The following UNC13C variants were observed in gnomAD, a reference collection of about 807,000 sequenced individuals.
UNC13C encodes the protein unc-13 homolog C, also known as protein unc-13 homolog C.
In UNC13C, 174 loss-of-function variants were observed where a neutral mutation model predicts 245.4. The observed-to-expected ratio is 0.71, with a 90% confidence interval of 0.63 to 0.80. UNC13C has a LOEUF of 0.80. Among genes scored for constraint, UNC13C ranks in the 30% least tolerant of loss-of-function variants. UNC13C has a pLI of 0.00. For missense variants in UNC13C, 2,829 were observed against 2,602.9 expected, an observed-to-expected ratio of 1.09 and a Z score of -1.89; for synonymous variants, 992 against 895.1, an observed-to-expected ratio of 1.11 and a Z score of -1.93.
At chr15:54,371,406 C>T (rs62012036) in intron 17 of UNC13C, among the ~76,000 whole-genome samples, 2,461 of 152,146 alleles carry the variant, frequency 0.016, 43 homozygotes, top group Non-Finnish European at 0.02. Context: ...ACTACTCTTC[C>T]GCCATTCTTG....
intron 10 of UNC13C, among the ~76,000 whole-genome samples, chr15:54,280,604 C>G (rs1271904469): frequency 6.7e-6 from 1 of 149,034 alleles, no homozygotes; most frequent in Non-Finnish European, 1.5e-5. Context: ...CTCTCTTGCT[C>G]TCTCTCCATA....
intron 12 of UNC13C, among the ~76,000 whole-genome samples, chr15:54,298,321 G>A (rs933854726): frequency 6.6e-6 from 1 of 152,192 alleles, no homozygotes; most frequent in Non-Finnish European, 1.5e-5. Flanking sequence ...GGATCAAATC[G>A]TAATTGTGTT....
chr15:54,276,058 T>C (rs2140908110), intron 10 of UNC13C, among the ~76,000 whole-genome samples: 1 of 152,110 alleles, frequency 6.6e-6, no homozygotes, highest in South Asian at 2.1e-4. Flanking sequence ...TATATAAAAT[T>C]ATAGAAAATG....
chr15:54,479,288 G>C (rs940486302), intron 19 of UNC13C, among the ~76,000 whole-genome samples: 2 of 151,942 alleles, frequency 1.3e-5, no homozygotes, highest in Non-Finnish European at 2.9e-5. Flanking sequence ...ATTTATGATT[G>C]ATATATCATC....
intron 13 of UNC13C, among the ~76,000 whole-genome samples, chr15:54,310,903 C>G (rs2037855329): frequency 6.6e-6 from 1 of 151,462 alleles, no homozygotes; most frequent in African/African-American, 2.4e-5. Flanking sequence ...GTCTGTTTTT[C>G]TTTTTTCCTT....
rs573321541 is a variant in UNC13C, at chr15:54,013,571, C to G, written c.668C>G (p.Thr223Arg). Residue 223 changes from threonine to arginine, a missense_variant, in exon 2 of 33, where the codon ACA becomes AGA. Coordinates refer to ENST00000260323, the MANE Select transcript of UNC13C (RefSeq NM_001080534.3). ...SLDRTVRNPK[T>R]NALEPGFSSS... is the part of the protein sequence containing the mutation. The stretch of plus-strand genomic sequence containing the variant: ...GACAGAACTGTCCGAAACCCAAAGA[C>G]AAATGCCCTGGAGCCAGGGTTCAGT... The G allele has an allele frequency of 1.2e-6, 2 of 1,613,698 alleles. No individual in the cohort carries two copies. The highest frequency in any genetic ancestry group is 1.7e-6 in the Non-Finnish European group (2 of 1,179,772).
chr15:54,281,980 G>T (rs1333216428), intron 10 of UNC13C, among the ~76,000 whole-genome samples: 1 of 152,116 alleles, frequency 6.6e-6, no homozygotes, highest in Admixed American at 6.5e-5. Context: ...CATTCATGTG[G>T]GGTATGTCTC....
intron 4 of UNC13C, among the ~76,000 whole-genome samples, chr15:54,145,036 C>T (rs931910430): frequency 6.6e-6 from 1 of 151,912 alleles, no homozygotes; most frequent in African/African-American, 2.4e-5. Flanking sequence ...AGGTGATCCA[C>T]ACACCTTGGC....
chr15:54,095,007 T>C (rs1899777589), intron 2 of UNC13C, among the ~76,000 whole-genome samples: 1 of 152,194 alleles, frequency 6.6e-6, no homozygotes, highest in South Asian at 2.1e-4. Flanking sequence ...GGCCTCTCTG[T>C]GCAACATCTA....
chr15:54,450,161 TG>T (rs1325693476), intron 19 of UNC13C, among the ~76,000 whole-genome samples: 2 of 152,202 alleles, frequency 1.3e-5, no homozygotes, highest in African/African-American at 2.4e-5. Flanking sequence ...CCAGCCACGA[TG>T]AGGTGTCAGT....
At position 54,250,429 on chromosome 15, in the gene UNC13C, G is replaced by A. The variant is rs777249610; in HGVS notation, c.3433G>A (p.Ala1145Thr). The A allele has an allele frequency of 4.3e-6, 7 of 1,609,736 alleles. No homozygotes were observed. The highest frequency in any genetic ancestry group is 1.7e-5 in the Admixed American group (1 of 59,488). The part of the protein sequence containing the change: ...CHEKCQDLLN[A>T]DCLQRAAEKS... ...CGAAAAGTGTCAGGACCTGCTAAAC[G>A]CTGACTGCTTGCAGAGTGAGTACTT... is the stretch of plus-strand genomic sequence containing the variant. The change falls in exon 8 of 33, where the codon GCT becomes ACT. Residue 1145 changes from alanine (A) to threonine (T), a missense_variant. Ala to Thr is a moderately conservative substitution (Grantham distance 58). Coordinates refer to ENST00000260323, the MANE Select transcript of UNC13C (RefSeq NM_001080534.3).
chr15:54,288,576 C>T (rs1160963164), intron 10 of UNC13C, among the ~76,000 whole-genome samples: 4 of 151,664 alleles, frequency 2.6e-5, no homozygotes, highest in South Asian at 4.2e-4. Context: ...AAATGTGAGA[C>T]ACATTGGCTA....
chr15:54,404,656 G>C (rs910490913), intron 18 of UNC13C, among the ~76,000 whole-genome samples: 1 of 151,452 alleles, frequency 6.6e-6, no homozygotes, highest in Non-Finnish European at 1.5e-5. Flanking sequence ...AAATATATAT[G>C]GTACATAGGA....
chr15:54,440,854 A>C (rs1479351235), intron 19 of UNC13C, among the ~76,000 whole-genome samples: 2 of 152,050 alleles, frequency 1.3e-5, no homozygotes, highest in Admixed American at 6.6e-5. Flanking sequence ...TAGCTATTCT[A>C]ACTGGGATAA....
chr15:53,883,051 TA>T, the UNC13C span, among the ~76,000 whole-genome samples: 5 of 151,062 alleles, frequency 3.3e-5, no homozygotes, highest in African/African-American at 7.3e-5. Flanking sequence ...CCCCTGAACT[TA>T]AAAAAAAAGT....
In UNC13C at chr15:54,034,021, G is replaced by C. The variant is rs79189684; in HGVS notation, c.2983+18135G>C. 8.7e-3 allele frequency among the ~76,000 whole-genome samples: 1,332 copies of C among 152,312 alleles called. 96 individuals carry two copies. In the East Asian group the frequency reaches 0.17, roughly 19 times the overall value. On this transcript the variant is annotated intron_variant, in intron 2 of 32. Transcript: ENST00000260323. ...AGATACAGATAATGATTTAAATAGT[G>C]CTAGCGATTTCTCTGGCCAATCCAT...
At chr15:54,144,414 T>C (rs1595906986) in intron 4 of UNC13C, among the ~76,000 whole-genome samples, 1 of 152,162 alleles carries the variant, frequency 6.6e-6, no homozygotes, top group Admixed American at 6.5e-5. Flanking sequence ...TTGTATCTAG[T>C]GCTGTTAAAA....
intron 4 of UNC13C, among the ~76,000 whole-genome samples, chr15:54,233,346 C>T (rs745923857): frequency 9.9e-5 from 15 of 152,146 alleles, no homozygotes; most frequent in Admixed American, 4.6e-4. Flanking sequence ...CTGCTTCACA[C>T]GTATTCTATT....
chr15:53,857,330 T>C, the UNC13C span, among the ~76,000 whole-genome samples: 1 of 152,278 alleles, frequency 6.6e-6, no homozygotes, highest in East Asian at 1.9e-4. Context: ...GTAGAGTTTG[T>C]TAGACACCAA....
Sources: allele counts gnomAD v4.1 joint callset (sites outside exome capture counted in the v4.1 genomes callset), GRCh38; gene constraint gnomAD v4.1.1; transcripts MANE v1.5; gene names NCBI Gene and HGNC (gene_info 2026-07-23, HGNC 2026-07-21).